Variants in PLPPR5 observed in about 807,000 individuals in gnomAD.
PLPPR5 encodes the protein phospholipid phosphatase-related protein type 5.
In PLPPR5, 16 loss-of-function variants were observed where a neutral mutation model predicts 33.9. The ratio of observed to expected loss-of-function variants is 0.47; its 90% CI spans 0.32 to 0.72. The LOEUF (loss-of-function observed/expected upper bound fraction) is 0.72. Among genes scored for constraint, PLPPR5 ranks in the 30% least tolerant of loss-of-function variants. PLPPR5 has a pLI of 0.03. For missense variants in PLPPR5, 301 were observed against 406.7 expected (o/e 0.74, Z 2.23); for synonymous variants, 163 against 150.3 (o/e 1.08, Z -0.62).
At chr1:98,982,447 C>G (rs1652089378) in intron 1 of PLPPR5, among the ~76,000 whole-genome samples, 1 of 152,024 alleles carries the variant, frequency 6.6e-6, no homozygotes, top group Admixed American at 6.6e-5. Flanking sequence ...CTCAAACAAG[C>G]CAGTTTTAGC....
intron 3 of PLPPR5, among the ~76,000 whole-genome samples, chr1:98,927,539 C>T (rs930934850): frequency 3.6e-4 from 55 of 152,334 alleles, no homozygotes; most frequent in African/African-American, 1.3e-3. Flanking sequence ...TGCCTGCCCT[C>T]CCAAGCTCTG....
At chr1:98,956,524 C>G (rs549348800) in intron 2 of PLPPR5, 85 bp downstream of exon 2, 1 of 1,307,638 alleles carries the variant, frequency 7.6e-7, no homozygotes, top group African/African-American at 1.6e-5. Flanking sequence ...TATTTGCAAA[C>G]AGTTAACATG....
chr1:98,931,428 T>A (rs1649961364), intron 3 of PLPPR5, among the ~76,000 whole-genome samples: 1 of 152,134 alleles, frequency 6.6e-6, no homozygotes, highest in African/African-American at 2.4e-5. Context: ...CACAGAAAGG[T>A]TAAGTAACTT....
intron 5 of PLPPR5, among the ~76,000 whole-genome samples, chr1:98,907,413 C>A (rs1267726635): frequency 6.6e-6 from 1 of 151,874 alleles, no homozygotes; most frequent in East Asian, 1.9e-4. Context: ...TGTCGGCCCT[C>A]GAACTCCTGA....
At chr1:98,959,395 T>A (rs199884792) in intron 1 of PLPPR5, among the ~76,000 whole-genome samples, 2 of 152,210 alleles carry the variant, frequency 1.3e-5, no homozygotes, top group East Asian at 3.9e-4. Flanking sequence ...TCAGTCACTG[T>A]CATTTGGCTG....
chr1:98,987,434 T>A (rs934736175), intron 1 of PLPPR5, among the ~76,000 whole-genome samples: 2 of 151,878 alleles, frequency 1.3e-5, no homozygotes, highest in African/African-American at 4.8e-5. Context: ...GGTTTTTATT[T>A]TAAAACATGG....
intron 4 of PLPPR5, among the ~76,000 whole-genome samples, chr1:98,917,469 T>C (rs1274706097): frequency 6.6e-6 from 1 of 152,182 alleles, no homozygotes; most frequent in Non-Finnish European, 1.5e-5. Context: ...GTTACCCCCT[T>C]AAAGCCATTC....
At chr1:98,919,357 G>T (rs1350240697) in intron 4 of PLPPR5, among the ~76,000 whole-genome samples, 1 of 152,136 alleles carries the variant, frequency 6.6e-6, no homozygotes, top group Non-Finnish European at 1.5e-5. Context: ...GGGTGGTCTG[G>T]GTTCCTTTAA....
At position 98,924,738 on chromosome 1, in the gene PLPPR5, G is replaced by A. The variant is rs77524165; in HGVS notation, c.622-2680C>T. Among the ~76,000 whole-genome samples the A allele has an allele frequency of 8.8e-3, 1,344 of 152,204 alleles. 14 individuals are homozygous for A. The highest frequency in any genetic ancestry group is 0.03 in the African/African-American group (1,260 of 41,502). ...GTTTCTCTTGAATGTCGAGTTGATC[G>A]TTAAATTGCCCTAATGACTCAAGCA... On this transcript the variant is annotated intron_variant, in intron 3 of 5. Transcript: ENST00000263177.
At chr1:99,000,817 A>T (rs1652811759) in intron 1 of PLPPR5, among the ~76,000 whole-genome samples, 1 of 152,154 alleles carries the variant, frequency 6.6e-6, no homozygotes, top group African/African-American at 2.4e-5. Context: ...TGTTTATCTA[A>T]TTTCACAAAT....
chr1:98,994,786 AT>A (rs1652573741), intron 1 of PLPPR5, among the ~76,000 whole-genome samples: 1 of 152,164 alleles, frequency 6.6e-6, no homozygotes. Flanking sequence ...GTAAAAAAGA[AT>A]TTTTCATTGA....
chr1:98,953,421 T>G (rs1650874508), intron 2 of PLPPR5, 101 bp from the exon 3 acceptor site: 2 of 1,453,516 alleles, frequency 1.4e-6, no homozygotes, highest in Admixed American at 4.6e-5. Context: ...TAAACCAAAA[T>G]GGAAATATTT....
In PLPPR5 at chr1:98,970,886, T is replaced by G. The variant is rs142600507; in HGVS notation, c.238-14145A>C. Among the ~76,000 whole-genome samples the G allele has an allele frequency of 5.9e-4, 90 of 152,254 alleles. 2 individuals are homozygous for G. Among genetic ancestry groups the G allele is most frequent in the African/African-American group, 1.9e-3 (79 of 41,578 alleles). Reference sequence around the variant, plus strand: ...AATGTCAAACTTGACATTATAATATTTTATTATTTTGTTTTATTTTAGGAA... The same window carrying G: ...AATGTCAAACTTGACATTATAATATGTTATTATTTTGTTTTATTTTAGGAA... On this transcript the variant is annotated intron_variant, in intron 1 of 5. Transcript: ENST00000263177.
At chr1:98,994,989 A>G (rs1403142139) in intron 1 of PLPPR5, among the ~76,000 whole-genome samples, 1 of 152,172 alleles carries the variant, frequency 6.6e-6, no homozygotes, top group African/African-American at 2.4e-5. Flanking sequence ...CTATTATTAA[A>G]AAGTCAAAAA....
chr1:98,989,212 T>A (rs1652365910), intron 1 of PLPPR5, among the ~76,000 whole-genome samples: 1 of 152,130 alleles, frequency 6.6e-6, no homozygotes, highest in Admixed American at 6.6e-5. Flanking sequence ...ATATGCTCAT[T>A]CTTTGATCTG....
At chr1:98,915,099 A>T (rs1649295626) in intron 4 of PLPPR5, among the ~76,000 whole-genome samples, 179 bp from the exon 5 acceptor site, 1 of 152,172 alleles carries the variant, frequency 6.6e-6, no homozygotes, top group Non-Finnish European at 1.5e-5. Context: ...TTATTGTATA[A>T]ATTTTAATAG....
At position 98,974,815 on chromosome 1, in the gene PLPPR5, C is replaced by T. The variant is rs564008649; in HGVS notation, c.238-18074G>A. Among the ~76,000 whole-genome samples the T allele has an allele frequency of 8.1e-4, 124 of 152,186 alleles. 2 individuals carry two copies. Among genetic ancestry groups the T allele is most frequent in the Admixed American group, 3.7e-3 (56 of 15,266 alleles). On this transcript the variant is annotated intron_variant, in intron 1 of 5. Coordinates refer to ENST00000263177, the MANE Select transcript of PLPPR5 (RefSeq NM_001037317.2). ...CTACTTTGTACCTGAATTCCATTAG[C>T]AGATCCCTATTCCTGAGTTTTCGCT...
In PLPPR5 at chr1:98,914,822, T is replaced by C. The variant is rs373204041; in HGVS notation, c.897A>G (p.Arg299=). Reference sequence around the variant, plus strand: ...TTACCTTTTCCAAAGGACTTTCTACTCGAGGAATGCTGATCATTGGCATCT... The same window carrying C: ...TTACCTTTTCCAAAGGACTTTCTACCCGAGGAATGCTGATCATTGGCATCT... ...LAQMPMISIP[R]VESPLEKVTS... The change falls in exon 5 of 6, where the codon CGA becomes CGG. Residue 299 remains arginine (R), a synonymous_variant. Transcript: ENST00000263177. 6.2e-7 allele frequency: 1 copy of C among 1,613,336 alleles called. No individual in the cohort carries two copies. Among genetic ancestry groups the C allele is most frequent in the Non-Finnish European group, 8.5e-7 (1 of 1,179,710 alleles).
intron 5 of PLPPR5, among the ~76,000 whole-genome samples, chr1:98,898,979 G>A (rs1648584331): frequency 6.6e-6 from 1 of 152,106 alleles, no homozygotes; most frequent in South Asian, 2.1e-4. Context: ...GTCTTTCCAA[G>A]TCCTGAGAAG....
Sources: gnomAD v4.1 joint callset for allele counts (sites outside exome capture counted in the v4.1 genomes callset) on GRCh38, gnomAD v4.1.1 for gene constraint, MANE v1.5 for transcripts, NCBI Gene and HGNC (gene_info 2026-07-23, HGNC 2026-07-21) for gene names.